Variants in CR1 observed in about 807,000 individuals in gnomAD.
CR1 encodes complement receptor type 1.
In CR1, 116 loss-of-function variants were observed where a neutral mutation model predicts 187.3. The observed-to-expected ratio is 0.62, with a 90% CI of 0.53 to 0.72. The LOEUF (loss-of-function observed/expected upper bound fraction) is 0.72. Ranked by LOEUF, CR1 falls within the 30% of genes least tolerant of loss-of-function variation. CR1 has a pLI of 0.00. For missense variants in CR1, 1,731 were observed against 2,110.7 expected (o/e 0.82, Z 3.52); for synonymous variants, 576 against 747.1 (o/e 0.77, Z 3.73).
chr1:207,582,824 G>A (rs1660998659), intron 32 of CR1, among the ~76,000 whole-genome samples: 1 of 152,188 alleles, frequency 6.6e-6, no homozygotes, highest in African/African-American at 2.4e-5. Flanking sequence ...CAGTTTCCAG[G>A]TTTTTGGCCA....
intron 4 of CR1, 122 bp downstream of exon 4, chr1:207,511,776 G>A (rs2102289038): frequency 4.5e-6 from 4 of 892,394 alleles, no homozygotes; most frequent in Non-Finnish European, 6.8e-6. Context: ...GAAGACTGCG[G>A]TAATGTTCTC....
intron 35 of CR1, among the ~76,000 whole-genome samples, chr1:207,601,439 G>A (rs990268189): frequency 9.9e-5 from 15 of 152,254 alleles, no homozygotes; most frequent in South Asian, 4.1e-4. Context: ...ATACCCAGAA[G>A]TGGAATTCCT....
rs1662109853 is a variant in CR1, at chr1:207,616,723, C to T, written c.6810C>T (p.Ser2270=). The change falls in exon 41 of 47, where the codon TCC becomes TCT. Residue 2270 remains serine (S), a synonymous_variant. Transcript: ENST00000367049. ...GMTFNLIGES[S]IRCTSDPQGN... The stretch of plus-strand genomic sequence containing the variant: ...CCTTCAACCTCATTGGGGAGAGCTC[C>T]ATCCGCTGCACAAGTGACCCTCAAG... 1.2e-6 allele frequency: 2 copies of T among 1,613,978 alleles called. No individual in the cohort carries two copies. The highest frequency in any genetic ancestry group is 1.7e-6 in the Non-Finnish European group (2 of 1,179,890).
rs746200199 is a variant in CR1 at position 207,588,787 on chromosome 1, T to C, written c.5810+13T>C. On this transcript the variant is annotated intron_variant, in intron 35 of 46. Transcript: ENST00000367049. ...CTTGTAATGAAGGGTGAGTTGAGAA[T>C]ACCATCTCTTGAATATGAGTTCCAG... The C allele has an allele frequency of 2.6e-6, 4 of 1,557,552 alleles. No individual in the cohort carries two copies. In the Admixed American group the frequency reaches 5.3e-5, roughly 21 times the overall value.
chr1:207,609,817 G>A, intron 37 of CR1, 129 bp downstream of exon 37: 1 of 901,330 alleles, frequency 1.1e-6, no homozygotes, highest in African/African-American at 1.7e-5. Context: ...TTCACTGTCT[G>A]TTATCTCTGT....
intron 35 of CR1, among the ~76,000 whole-genome samples, chr1:207,591,590 T>TAA (rs1269433337): frequency 1.3e-5 from 2 of 151,076 alleles, no homozygotes; most frequent in Non-Finnish European, 3.0e-5. Flanking sequence ...AGAGAAGAAA[T>TAA]AACTAAGATC....
At chr1:207,626,486 G>A (rs1006020109) in intron 45 of CR1, among the ~76,000 whole-genome samples, 3 of 152,120 alleles carry the variant, frequency 2.0e-5, no homozygotes, top group African/African-American at 7.2e-5. Context: ...GGGCATAAAG[G>A]GCCTCATGGC....
In CR1 at chr1:207,609,466, G is replaced by A; in HGVS notation, c.6073G>A (p.Val2025Ile). 1 of 1,614,034 alleles carries A rather than the reference G, an allele frequency of 6.2e-7. No homozygotes were observed. Among genetic ancestry groups the A allele is most frequent in the Non-Finnish European group, 8.5e-7 (1 of 1,179,890 alleles). Residue 2025 changes from valine to isoleucine, a missense_variant, in exon 37 of 47, where the codon GTT (valine) becomes ATT (isoleucine). Coordinates refer to ENST00000367049, the MANE Select transcript of CR1 (RefSeq NM_000651.6). Reference sequence around the variant, plus strand: ...ATATTGCACCAGCAAAGATGATCAAGTTGGTGTTTGGAGCAGCCCTCCCCC... The same window carrying A: ...ATATTGCACCAGCAAAGATGATCAAATTGGTGTTTGGAGCAGCCCTCCCCC... ...SIYCTSKDDQ[V>I]GVWSSPPPRC...
chr1:207,584,861 C>T lies in CR1; in HGVS notation c.5515C>T (p.Leu1839Phe), dbSNP rs1661064811. 1.2e-6 allele frequency: 2 copies of T among 1,613,964 alleles called. No individual in the cohort carries two copies. The highest frequency in any genetic ancestry group is 1.7e-6 in the Non-Finnish European group (2 of 1,179,858). Residue 1839 changes from leucine to phenylalanine, a missense_variant, in exon 33 of 47, where the codon CTT becomes TTT. This residue lies in a region of CR1 where 1,312 missense variants were observed against 1,379.6 expected (regional missense o/e 0.95). Coordinates refer to ENST00000367049, the MANE Select transcript of CR1 (RefSeq NM_000651.6). ...VWSSPAPRCE[L>F]SVRAGHCKTP... is the part of the protein sequence containing the mutation. Reference sequence around the variant, plus strand: ...GAGCAGCCCTGCCCCTCGCTGTGAACTTTCTGTTCGTGCTGGTCAGTATCC... The same window carrying T: ...GAGCAGCCCTGCCCCTCGCTGTGAATTTTCTGTTCGTGCTGGTCAGTATCC...
At chr1:207,597,141 A>T (rs1013456068) in intron 35 of CR1, among the ~76,000 whole-genome samples, 1 of 151,324 alleles carries the variant, frequency 6.6e-6, no homozygotes, top group Non-Finnish European at 1.5e-5. Context: ...TACAAAAAAA[A>T]AAACAAACTC....
At chr1:207,544,810 A>G (rs1660266160) in intron 13 of CR1, among the ~76,000 whole-genome samples, 2 of 138,104 alleles carry the variant, frequency 1.4e-5, no homozygotes, top group African/African-American at 5.9e-5. Flanking sequence ...AGAAGACTTG[A>G]AAGGAGATGA....
intron 35 of CR1, among the ~76,000 whole-genome samples, chr1:207,605,399 T>C (rs971359304): frequency 6.6e-6 from 1 of 151,502 alleles, no homozygotes; most frequent in Non-Finnish European, 1.5e-5. Context: ...GACGGACATG[T>C]TAATTAGCTT....
chr1:207,615,798 A>G (rs1662074061), intron 40 of CR1, among the ~76,000 whole-genome samples: 2 of 152,232 alleles, frequency 1.3e-5, no homozygotes, highest in East Asian at 3.8e-4. Flanking sequence ...AAATAAATAT[A>G]TAAATAAACT....
At chr1:207,632,597 C>G (rs1662678519) in intron 46 of CR1, among the ~76,000 whole-genome samples, 1 of 152,038 alleles carries the variant, frequency 6.6e-6, no homozygotes, top group Non-Finnish European at 1.5e-5. Flanking sequence ...GCCATTCTGG[C>G]TAACACGGTG....
Position 207,625,894 on chromosome 1 carries a change from A to G in CR1, c.7352+2826A>G, listed in dbSNP as rs572107726. ...ACATAGTGATGTTATCTATAGGAGC[A>G]ATTAGGGAAGTCACAAATCTCTGAG... On this transcript the variant is annotated intron_variant, in intron 45 of 46. Transcript: ENST00000367049. Among the ~76,000 whole-genome samples, 3 of 152,332 alleles carry G rather than the reference A, an allele frequency of 2.0e-5. No homozygotes were observed. The South Asian group carries it at 6.2e-4, about 32-fold the overall frequency.
In CR1 at chr1:207,582,002, ACG is replaced by A; in HGVS notation, c.5302_5302+1del. On this transcript the variant is annotated splice_donor_variant and coding_sequence_variant, in exon 32 of 47. Coordinates refer to ENST00000367049, the MANE Select transcript of CR1 (RefSeq NM_000651.6). LOFTEE classifies it high-confidence loss of function. ...GGAATAACAGTGTTCCTGTGTGTGA[ACG>A]TGAGTAGATGGAATACTTGTTCAGT... The A allele has an allele frequency of 3.7e-6, 6 of 1,604,812 alleles. No individual in the cohort carries two copies. The highest frequency in any genetic ancestry group is 5.1e-6 in the Non-Finnish European group (6 of 1,172,226).
At chr1:207,575,555 G>A in intron 27 of CR1, 40 bp from the exon 28 acceptor site, 2 of 1,611,518 alleles carry the variant, frequency 1.2e-6, no homozygotes, top group South Asian at 2.2e-5. Flanking sequence ...AAGTTGATGA[G>A]GTATGTACAG....
In CR1 at chr1:207,630,552, T is replaced by G; in HGVS notation, c.7388T>G (p.Ile2463Ser). Reference protein sequence around the residue: ...NAHENPKEVAIHLHSQGGSSV... With the variant: ...NAHENPKEVASHLHSQGGSSV... ...CATGAAAACCCTAAAGAAGTGGCTA[T>G]CCATTTACATTCTCAAGGAGGCAGC... Residue 2463 changes from isoleucine to serine, a missense_variant, in exon 46 of 47, where the codon ATC (isoleucine) becomes AGC (serine). Ile to Ser is a moderately radical substitution (Grantham distance 142, BLOSUM62 -2). Coordinates refer to ENST00000367049, the MANE Select transcript of CR1 (RefSeq NM_000651.6). 1.2e-6 allele frequency: 2 copies of G among 1,610,696 alleles called. No homozygotes were observed. Among genetic ancestry groups the G allele is most frequent in the Non-Finnish European group, 1.7e-6 (2 of 1,178,774 alleles).
intron 35 of CR1, among the ~76,000 whole-genome samples, chr1:207,603,120 G>C (rs1284142057): frequency 2.0e-5 from 3 of 151,952 alleles, no homozygotes; most frequent in African/African-American, 7.3e-5. Flanking sequence ...AATTTGACAA[G>C]ATGTCTGTAA....
Sources: allele counts gnomAD v4.1 joint callset (sites outside exome capture counted in the v4.1 genomes callset), GRCh38; gene constraint gnomAD v4.1.1; regional missense constraint gnomAD v4.1.1; transcripts MANE v1.5; gene names NCBI Gene and HGNC (gene_info 2026-07-23, HGNC 2026-07-21).